The following THSD7B variants were observed in gnomAD, a reference collection of about 807,000 sequenced individuals.
THSD7B encodes the protein thrombospondin type 1 domain containing 7B, also known as thrombospondin type-1 domain-containing protein 7B.
Under a neutral mutation model 213.6 loss-of-function variants are expected in THSD7B, and 138 were observed. That is an observed-to-expected ratio of 0.65 (90% CI 0.56 to 0.74). The LOEUF is 0.74. Among genes scored for constraint, THSD7B ranks in the 30% least tolerant of loss-of-function variants. THSD7B has a pLI of 0.00. For missense variants in THSD7B, 1,931 were observed against 1,991.5 expected (o/e 0.97, Z 0.58); for synonymous variants, 742 against 687.0 (o/e 1.08, Z -1.25).
intron 2 of THSD7B, among the ~76,000 whole-genome samples, chr2:137,008,629 C>A (rs1686162293): frequency 6.6e-6 from 1 of 151,930 alleles, no homozygotes; most frequent in African/African-American, 2.4e-5. Context: ...TGTTTCTATT[C>A]AATGTAAAGA....
At chr2:136,963,586 G>A (rs2105088107) in intron 2 of THSD7B, among the ~76,000 whole-genome samples, 1 of 152,340 alleles carries the variant, frequency 6.6e-6, no homozygotes, top group South Asian at 2.1e-4. Context: ...CAAGGTTACA[G>A]TGAGCCATGA....
At chr2:137,534,073 T>G (rs1174481439) in intron 15 of THSD7B, among the ~76,000 whole-genome samples, 1 of 151,358 alleles carries the variant, frequency 6.6e-6, no homozygotes, top group Non-Finnish European at 1.5e-5. Flanking sequence ...GGAAAGAGCT[T>G]GTTTTCTTCC....
intron 15 of THSD7B, among the ~76,000 whole-genome samples, chr2:137,465,254 A>G (rs1476422668): frequency 6.6e-6 from 1 of 152,072 alleles, no homozygotes; most frequent in Non-Finnish European, 1.5e-5. Context: ...CATTCATAAA[A>G]AAAAAAAAGA....
intron 20 of THSD7B, among the ~76,000 whole-genome samples, chr2:137,640,565 A>C (rs764782422): frequency 6.6e-5 from 10 of 152,212 alleles, no homozygotes; most frequent in Non-Finnish European, 1.2e-4. Flanking sequence ...CCTGTTCTGC[A>C]ACCTACTTTG....
chr2:136,903,130 A>T (rs1684089956), intron 2 of THSD7B, among the ~76,000 whole-genome samples: 1 of 151,284 alleles, frequency 6.6e-6, no homozygotes, highest in African/African-American at 2.4e-5. Flanking sequence ...TATATAGAAT[A>T]AGGTTATTGA....
Position 137,659,700 on chromosome 2 carries a change from G to T in THSD7B, c.4412G>T (p.Arg1471Leu). The T allele has an allele frequency of 6.2e-7, 1 of 1,605,026 alleles. No homozygotes were observed. Residue 1471 changes from arginine to leucine, a missense_variant, in exon 25 of 28, where the codon CGG becomes CTG. Transcript: ENST00000409968. ...CSPQARPAAI[R>L]QCIPACRKPF... ...CCTCAGGCCCGTCCTGCTGCCATTC[G>T]GCAGTGCATTCCAGCCTGCAGAAAA...
At chr2:137,018,900 C>T (rs1423720992) in intron 2 of THSD7B, among the ~76,000 whole-genome samples, 9 of 152,208 alleles carry the variant, frequency 5.9e-5, no homozygotes, top group Middle Eastern at 3.4e-3. Flanking sequence ...CAGACTCTTT[C>T]CTCTGCAAAT....
At chr2:137,284,735 TC>T (rs1219219583) in intron 12 of THSD7B, among the ~76,000 whole-genome samples, 1 of 152,152 alleles carries the variant, frequency 6.6e-6, no homozygotes, top group Non-Finnish European at 1.5e-5. Flanking sequence ...AATCCTGAGT[TC>T]TAATTTGATT....
At chr2:137,363,681 A>G (rs1685330025) in intron 12 of THSD7B, among the ~76,000 whole-genome samples, 1 of 152,238 alleles carries the variant, frequency 6.6e-6, no homozygotes, top group African/African-American at 2.4e-5. Flanking sequence ...TCCCAAGGCT[A>G]AACCAGGAAG....
intron 2 of THSD7B, among the ~76,000 whole-genome samples, chr2:136,910,855 A>G (rs1684245391): frequency 6.6e-6 from 1 of 152,112 alleles, no homozygotes; most frequent in Non-Finnish European, 1.5e-5. Context: ...TTTAAATGAT[A>G]TAAATTTTGC....
At chr2:136,912,736 C>A (rs1337818283) in intron 2 of THSD7B, among the ~76,000 whole-genome samples, 2 of 152,142 alleles carry the variant, frequency 1.3e-5, no homozygotes, top group Admixed American at 1.3e-4. Flanking sequence ...TTGCTTCTTC[C>A]TCATTTTCTC....
intron 5 of THSD7B, among the ~76,000 whole-genome samples, chr2:137,150,440 T>C (rs753223251): frequency 6.6e-6 from 1 of 152,136 alleles, no homozygotes; most frequent in Non-Finnish European, 1.5e-5. Context: ...ACCTCCATGC[T>C]GTTCTCATGA....
intron 12 of THSD7B, among the ~76,000 whole-genome samples, chr2:137,311,515 T>G (rs1683905726): frequency 6.6e-6 from 1 of 152,074 alleles, no homozygotes. Flanking sequence ...CCTCCCTAAT[T>G]GCCCTGAACA....
intron 12 of THSD7B, among the ~76,000 whole-genome samples, chr2:137,397,108 C>G (rs545309572): frequency 1.3e-5 from 2 of 150,410 alleles, no homozygotes; most frequent in East Asian, 3.9e-4. Context: ...TGGGTCTTGA[C>G]TCTTTATCCA....
At chr2:136,981,522 C>A (rs1056805629) in intron 2 of THSD7B, among the ~76,000 whole-genome samples, 1 of 152,174 alleles carries the variant, frequency 6.6e-6, no homozygotes, top group Non-Finnish European at 1.5e-5. Flanking sequence ...CTAGCCATCC[C>A]TCCCTCTGTG....
At chr2:137,193,323 T>G (rs527816741) in intron 7 of THSD7B, among the ~76,000 whole-genome samples, 1 of 152,248 alleles carries the variant, frequency 6.6e-6, no homozygotes, top group South Asian at 2.1e-4. Context: ...TATAATTGCG[T>G]AAATTTATGA....
intron 15 of THSD7B, among the ~76,000 whole-genome samples, chr2:137,500,570 AC>A: frequency 6.6e-6 from 1 of 152,360 alleles, no homozygotes; most frequent in Middle Eastern, 3.4e-3. Context: ...CGTATCACTT[AC>A]CACCAGTGCA....
At chr2:137,584,527 T>G (rs1160518285) in intron 17 of THSD7B, among the ~76,000 whole-genome samples, 14 of 152,210 alleles carry the variant, frequency 9.2e-5, no homozygotes, top group Admixed American at 9.2e-4. Flanking sequence ...CCTAGTTTAT[T>G]GAGAGTTTTT....
chr2:136,843,953 G>A (rs1272739606), intron 1 of THSD7B, among the ~76,000 whole-genome samples: 1 of 152,066 alleles, frequency 6.6e-6, no homozygotes, highest in African/African-American at 2.4e-5. Flanking sequence ...AGCTCTGGGG[G>A]CAGTGTATAC....
Sources: allele counts gnomAD v4.1 joint callset (sites outside exome capture counted in the v4.1 genomes callset), GRCh38; gene constraint gnomAD v4.1.1; transcripts MANE v1.5; gene names NCBI Gene and HGNC (gene_info 2026-07-23, HGNC 2026-07-21).